NDUFA10: variants seen among roughly 807,000 people sequenced by gnomAD.
The protein encoded by NDUFA10 is NADH dehydrogenase [ubiquinone] 1 alpha subcomplex subunit 10, mitochondrial.
A neutral mutation model predicts 47.8 loss-of-function variants in NDUFA10; 40 were observed. The ratio of observed to expected loss-of-function variants is 0.84; its 90% confidence interval spans 0.65 to 1.09. The LOEUF (loss-of-function observed/expected upper bound fraction) is 1.09. NDUFA10 is among the 50% of genes least tolerant of loss of function. NDUFA10 has a pLI of 0.00. For synonymous variants in NDUFA10, 183 were observed against 172.2 expected (o/e 1.06, Z -0.49); for missense variants, 413 against 451.1 (o/e 0.92, Z 0.76).
At chr2:239,927,794 G>A (rs1447729518) in intron 4 of NDUFA10, among the ~76,000 whole-genome samples, 1 of 152,202 alleles carries the variant, frequency 6.6e-6, no homozygotes, top group Non-Finnish European at 1.5e-5. Context: ...TGACATCAGC[G>A]TGGCAGCCGC....
downstream of NDUFA10, among the ~76,000 whole-genome samples, chr2:239,956,438 C>G (rs921680291): frequency 2.8e-4 from 43 of 152,200 alleles, no homozygotes; most frequent in African/African-American, 9.9e-4. Flanking sequence ...GCTCCTCTTA[C>G]AACGTCTAAA....
chr2:239,948,306 C>T (rs934963777), intron 4 of NDUFA10, among the ~76,000 whole-genome samples: 2 of 152,230 alleles, frequency 1.3e-5, no homozygotes, highest in Admixed American at 6.5e-5. Flanking sequence ...TCCCTTTGGC[C>T]CCTCAAGGCC....
intron 8 of NDUFA10, among the ~76,000 whole-genome samples, chr2:239,998,732 G>A (rs1390004579): frequency 6.6e-6 from 1 of 152,188 alleles, no homozygotes; most frequent in African/African-American, 2.4e-5. Flanking sequence ...TGTCTAAAGG[G>A]CTTTCCAGGC....
At chr2:239,935,009 C>T (rs751269388) in intron 4 of NDUFA10, among the ~76,000 whole-genome samples, 10 of 152,322 alleles carry the variant, frequency 6.6e-5, no homozygotes, top group Non-Finnish European at 1.2e-4. Context: ...CCACCTCTGG[C>T]GCCCCTGGAA....
chr2:240,021,680 C>G (rs1697629532), intron 2 of NDUFA10, among the ~76,000 whole-genome samples: 1 of 152,204 alleles, frequency 6.6e-6, no homozygotes, highest in Non-Finnish European at 1.5e-5. Flanking sequence ...ACCACAGGAG[C>G]CCCCTCTAGC....
Position 239,978,872 on chromosome 2 carries a change from C to T in NDUFA10, c.999+11202G>A, listed in dbSNP as rs144411253. Reference sequence around the variant, plus strand: ...TTGGGGAAGAATTCTGTCTTCCCACCGTTTGTATGCTTTTTAGAAACCTAA... The same window carrying T: ...TTGGGGAAGAATTCTGTCTTCCCACTGTTTGTATGCTTTTTAGAAACCTAA... On this transcript the variant is annotated intron_variant, in intron 9 of 9. Transcript: ENST00000252711. Among the ~76,000 whole-genome samples, 731 of 152,204 alleles carry T rather than the reference C, an allele frequency of 4.8e-3. 2 individuals are homozygous for T. The highest frequency in any genetic ancestry group is 7.7e-3 in the Non-Finnish European group (527 of 68,026).
intron 4 of NDUFA10, among the ~76,000 whole-genome samples, chr2:239,932,192 C>G (rs1021142147): frequency 6.6e-6 from 1 of 152,108 alleles, no homozygotes; most frequent in African/African-American, 2.4e-5. Flanking sequence ...GAATAGACAT[C>G]TTTATATTTT....
At chr2:239,977,121 T>C (rs773934121) in intron 9 of NDUFA10, among the ~76,000 whole-genome samples, 2 of 152,078 alleles carry the variant, frequency 1.3e-5, no homozygotes, top group Admixed American at 1.3e-4. Flanking sequence ...GGAAGCCAGG[T>C]TCAGGGATAA....
At chr2:239,979,176 T>C (rs1443359500) in intron 9 of NDUFA10, among the ~76,000 whole-genome samples, 1 of 152,236 alleles carries the variant, frequency 6.6e-6, no homozygotes. Flanking sequence ...TGAGGAAGTA[T>C]GCCTGGGATT....
chr2:240,021,637 T>A (rs1176345825), intron 2 of NDUFA10, among the ~76,000 whole-genome samples: 2 of 152,212 alleles, frequency 1.3e-5, no homozygotes, highest in Admixed American at 6.5e-5. Context: ...AGTGCCCTTA[T>A]CCAGGTTCCT....
At chr2:239,898,155 C>T (rs903116752) in intron 4 of NDUFA10, among the ~76,000 whole-genome samples, 2 of 152,216 alleles carry the variant, frequency 1.3e-5, no homozygotes, top group Admixed American at 1.3e-4. Flanking sequence ...GGAGTCAGGA[C>T]TGTTCAGGGT....
Position 240,011,634 on chromosome 2 carries a change from G to A in NDUFA10, c.732C>T (p.Thr244=), listed in dbSNP as rs775963096. Residue 244 remains threonine (T), a synonymous_variant, in exon 6 of 10, where the codon ACC becomes ACT. Coordinates refer to ENST00000252711, the MANE Select transcript of NDUFA10 (RefSeq NM_004544.4). ...LQDIENAYKK[T]FLPEMSEKCE... The stretch of plus-strand genomic sequence containing the variant: ...TGGCTCACCTCATCTCAGGGAGAAA[G>A]GTTTTCTTATAGGCATTCTCAATGT... 3 of 1,612,858 alleles carry A rather than the reference G, an allele frequency of 1.9e-6. No homozygotes were observed. The highest frequency in any genetic ancestry group is 1.1e-5 in the South Asian group (1 of 91,052).
At chr2:239,915,358 A>AAG (rs1693843141) in intron 4 of NDUFA10, among the ~76,000 whole-genome samples, 1 of 150,168 alleles carries the variant, frequency 6.7e-6, no homozygotes. Context: ...GACACACACA[A>AAG]ATATACAGAC....
chr2:239,979,259 C>T (rs372929320), intron 9 of NDUFA10, among the ~76,000 whole-genome samples: 29 of 151,136 alleles, frequency 1.9e-4, no homozygotes, highest in Admixed American at 7.9e-4. Context: ...CCCCACCCCA[C>T]AGCCCACCCC....
At position 239,928,170 on chromosome 2, in the gene NDUFA10, TA is replaced by T. The variant is rs944442912; in HGVS notation, c.295-32857del. Among the ~76,000 whole-genome samples, 25 of 148,702 alleles carry T rather than the reference TA, an allele frequency of 1.7e-4. No homozygotes were observed. Among genetic ancestry groups the T allele is most frequent in the East Asian group, 2.0e-4 (1 of 5,054 alleles). ...GGTCTGTACAAAGATTCCAGGACTT[TA>T]AAAAAAAAATAACAAAAGAAGAAAA... is the stretch of plus-strand genomic sequence containing the variant. On this transcript the variant is annotated intron_variant, in intron 4 of 5. Coordinates refer to the NDUFA10 transcript ENST00000419408. This position sits in a 1 kb window ranked among gnomAD's most constrained non-coding sequence, Gnocchi z 4.3.
chr2:239,952,116 G>A (rs569861269), intron 4 of NDUFA10, among the ~76,000 whole-genome samples: 1 of 152,310 alleles, frequency 6.6e-6, no homozygotes, highest in East Asian at 1.9e-4. Context: ...CAACACATGT[G>A]CCACACCTGC....
chr2:239,956,040 G>A (rs1694646094), downstream of NDUFA10, among the ~76,000 whole-genome samples: 1 of 152,192 alleles, frequency 6.6e-6, no homozygotes, highest in African/African-American at 2.4e-5. Context: ...AGCAAAAGGA[G>A]CCAGGTTCCA....
intron 9 of NDUFA10, among the ~76,000 whole-genome samples, chr2:239,969,278 G>A (rs1223283295): frequency 6.6e-6 from 1 of 151,814 alleles, no homozygotes. Context: ...GGAGAGAACT[G>A]GAAAACATAA....
chr2:239,974,968 C>A (rs184531155), intron 9 of NDUFA10, among the ~76,000 whole-genome samples: 1 of 147,192 alleles, frequency 6.8e-6, no homozygotes, highest in Admixed American at 6.7e-5. Context: ...CACTCCTCCG[C>A]CACCAAAGAG....
Sources: gnomAD v4.1 joint callset for allele counts (sites outside exome capture counted in the v4.1 genomes callset) on GRCh38, gnomAD v4.1.1 for gene constraint, Gnocchi (gnomAD v3.1) non-coding constraint, MANE v1.5 for transcripts, NCBI Gene and HGNC (gene_info 2026-07-23, HGNC 2026-07-21) for gene names.